Variants in TMEM235 observed in about 807,000 individuals in gnomAD.
The protein encoded by TMEM235 is claudin-27.
In TMEM235, 23 loss-of-function variants were observed where a neutral mutation model predicts 22.9. That is an observed-to-expected ratio of 1.00 (90% confidence interval 0.72 to 1.42). The LOEUF (loss-of-function observed/expected upper bound fraction) is 1.42. TMEM235 is among the 40% of genes most tolerant of loss of function. TMEM235 has a pLI of 0.00. For synonymous variants in TMEM235, 137 were observed against 140.5 expected (o/e 0.98, Z 0.17); for missense variants, 308 against 299.5 (o/e 1.03, Z -0.21).
At chr17:78,232,080 C>A in exon 2 of TMEM235, 1 of 1,458,936 alleles carries the variant, frequency 6.9e-7, no homozygotes, top group Non-Finnish European at 9.0e-7. Context: ...TGCTCAGCTT[C>A]GCGCTCCTGG....
chr17:78,237,304 T>G lies in TMEM235; in HGVS notation c.410-1720T>G, dbSNP rs920275725. Among the ~76,000 whole-genome samples the G allele has an allele frequency of 2.4e-4, 37 of 152,050 alleles. 2 individuals carry two copies. Among genetic ancestry groups the G allele is most frequent in the Admixed American group, 2.0e-3 (30 of 15,282 alleles). ...GGGAGATAGAGGGCCCCAGATCGAT[T>G]GGGTGCCCTTCCCTGAGACAGGATC... On this transcript the variant is annotated intron_variant, in intron 4 of 5. Coordinates refer to ENST00000421688, the Ensembl canonical transcript of TMEM235. The surrounding 1 kb of genome is among the most constrained non-coding windows in gnomAD (Gnocchi z 4.7).
At position 78,238,439 on chromosome 17, in the gene TMEM235, C is replaced by A. The variant is rs1197262677; in HGVS notation, c.410-585C>A. The stretch of plus-strand genomic sequence containing the variant: ...GGAGTCAGAGGGAGGGGGATGTTAG[C>A]CCCGGAGGTAGGGAGGGCAAAGGTG... On this transcript the variant is annotated intron_variant, in intron 4 of 5. Transcript: ENST00000421688. This position sits in a 1 kb window ranked among gnomAD's most constrained non-coding sequence, Gnocchi z 4.3. Among the ~76,000 whole-genome samples the A allele has an allele frequency of 6.6e-6, 1 of 151,876 alleles. No individual in the cohort carries two copies. The highest frequency in any genetic ancestry group is 1.5e-5 in the Non-Finnish European group (1 of 67,956).
intron 5 of TMEM235, 21 bp from the exon 5 acceptor site, chr17:78,239,759 T>C: frequency 1.3e-6 from 2 of 1,531,208 alleles, no homozygotes; most frequent in Non-Finnish European, 1.8e-6. Context: ...ACTCAATGAC[T>C]ACCCTTTATC....
Position 78,233,883 on chromosome 17 carries a change from T to C in TMEM235, c.191-12T>C. 1 of 1,535,788 alleles carries C rather than the reference T, an allele frequency of 6.5e-7. No individual in the cohort carries two copies. The highest frequency in any genetic ancestry group is 8.7e-7 in the Non-Finnish European group (1 of 1,146,794). On this transcript the variant is annotated splice_polypyrimidine_tract_variant and intron_variant, in intron 2 of 5. Coordinates refer to ENST00000421688, the Ensembl canonical transcript of TMEM235. ...CGTCCAGGCCCCAGGCTTCGAGGCC[T>C]ATGTTTCCCAGGGCAGAACGGCTGC...
intron 2 of TMEM235, among the ~76,000 whole-genome samples, chr17:78,232,499 T>C (rs2145912904): frequency 6.6e-6 from 1 of 152,072 alleles, no homozygotes; most frequent in Admixed American, 6.5e-5. Flanking sequence ...TAGAGGTGTG[T>C]AGTTGGGGGG....
At chr17:78,232,490 A>C (rs11868709) in intron 2 of TMEM235, among the ~76,000 whole-genome samples, 94,409 of 152,002 alleles carry the variant, frequency 0.62, 29,622 homozygotes, top group Middle Eastern at 0.77. Context: ...AGGGAAGCCT[A>C]GAGGTGTGTA....
chr17:78,236,431 G>A (rs1308934938), intron 4 of TMEM235, among the ~76,000 whole-genome samples: 1 of 152,192 alleles, frequency 6.6e-6, no homozygotes, highest in Non-Finnish European at 1.5e-5. Flanking sequence ...CCACTGACGC[G>A]GCTCCAGCTC....
At position 78,237,846 on chromosome 17, in the gene TMEM235, CCTT is replaced by C. The variant is rs1295883324; in HGVS notation, c.410-1172_410-1170del. ...TCCTCCCTCCCTCAGCCTCCCCATG[CCTT>C]CTTCTCCCCACTCTCTGTCCCACTC... On this transcript the variant is annotated intron_variant, in intron 4 of 5. Coordinates refer to ENST00000421688, the Ensembl canonical transcript of TMEM235. The surrounding 1 kb of genome is among the most constrained non-coding windows in gnomAD (Gnocchi z 4.7). 2.0e-5 allele frequency among the ~76,000 whole-genome samples: 3 copies of C among 152,178 alleles called. No individual in the cohort carries two copies. Among genetic ancestry groups the C allele is most frequent in the Non-Finnish European group, 2.9e-5 (2 of 68,010 alleles).
chr17:78,237,078 G>C lies in TMEM235; in HGVS notation c.410-1946G>C, dbSNP rs867274556. Among the ~76,000 whole-genome samples the C allele has an allele frequency of 3.3e-5, 5 of 152,302 alleles. No homozygotes were observed. Among genetic ancestry groups the C allele is most frequent in the Non-Finnish European group, 4.4e-5 (3 of 68,014 alleles). On this transcript the variant is annotated intron_variant, in intron 4 of 5. Coordinates refer to ENST00000421688, the Ensembl canonical transcript of TMEM235. This position sits in a 1 kb window ranked among gnomAD's most constrained non-coding sequence, Gnocchi z 4.7. ...GCCTGGGAGCGAAGGCACCGGCTAG[G>C]GGGTGGAGGGGCCGGAGGTAGCTGG...
At chr17:78,231,806 G>C in exon 2 of TMEM235, 1 of 1,210,936 alleles carries the variant, frequency 8.3e-7, no homozygotes, top group East Asian at 6.0e-5. Context: ...CTTTCCCCCA[G>C]GGGCGAGCTC....
At chr17:78,235,600 T>TTTG (rs1491390326) in intron 4 of TMEM235, among the ~76,000 whole-genome samples, 40 of 42,260 alleles carry the variant, frequency 9.5e-4, no homozygotes, top group Non-Finnish European at 3.3e-4. Context: ...TGCTACATAG[T>TTTG]TTTTTTTTTT....
In TMEM235 at chr17:78,234,643, G is replaced by GT. The variant is rs762118825; in HGVS notation, c.323dup (p.Cys109ValfsTer177). The stretch of plus-strand genomic sequence containing the variant: ...CCTGCCCCTGAGCCTGGTCCTTCTC[G>GT]TGTGTGGCTGGATCTGCGGCCTGCT... On this transcript the variant is annotated frameshift_variant, in exon 4 of 6. Coordinates refer to ENST00000421688, the Ensembl canonical transcript of TMEM235. LOFTEE classifies it high-confidence loss of function. 1.8e-5 allele frequency: 28 copies of GT among 1,536,070 alleles called. No individual in the cohort carries two copies. Among genetic ancestry groups the GT allele is most frequent in the Non-Finnish European group, 5.2e-6 (6 of 1,146,922 alleles).
At chr17:78,232,138 G>A (rs1457305312) in exon 2 of TMEM235, 2 of 1,488,094 alleles carry the variant, frequency 1.3e-6, no homozygotes, top group East Asian at 2.9e-5. Context: ...GGTGGCGGAC[G>A]CCGGCAATGG....
Position 78,238,908 on chromosome 17 carries a change from A to G in TMEM235, c.410-116A>G. The G allele has an allele frequency of 7.0e-7, 1 of 1,425,592 alleles. No individual in the cohort carries two copies. The highest frequency in any genetic ancestry group is 9.3e-7 in the Non-Finnish European group (1 of 1,077,926). 88.3% of individuals were successfully genotyped at this position (1,425,592 alleles called of 1,614,324 possible). A position where few individuals can be genotyped will look rare whatever the true frequency, so the allele number is the denominator to read the frequency against. On this transcript the variant is annotated intron_variant, in intron 4 of 5. Coordinates refer to ENST00000421688, the Ensembl canonical transcript of TMEM235. This position sits in a 1 kb window ranked among gnomAD's most constrained non-coding sequence, Gnocchi z 4.3. ...ACAGGAAGGGCGGTGTGCTGCCTGC[A>G]GCTCTGCCTGAATGCTAGCGGGGCC...
Position 78,238,879 on chromosome 17 carries a change from C to T in TMEM235, c.410-145C>T, listed in dbSNP as rs2076675010. On this transcript the variant is annotated intron_variant, in intron 4 of 5. Transcript: ENST00000421688. This position sits in a 1 kb window ranked among gnomAD's most constrained non-coding sequence, Gnocchi z 4.3. ...AGGTTGACAGCCAGGCAGGGCTAAC[C>T]ATGACAGGAAGGGCGGTGTGCTGCC... 3.1e-6 allele frequency: 4 copies of T among 1,309,758 alleles called. No homozygotes were observed. The South Asian group carries it at 6.1e-5, about 20-fold the overall frequency. The allele number at this position is 1,309,758 out of a possible 1,614,324, so 81.1% of individuals were successfully genotyped here. A position where few individuals can be genotyped will look rare whatever the true frequency, so the allele number is the denominator to read the frequency against.
rs1308312839 is a variant in TMEM235 at position 78,239,005 on chromosome 17, C to T, written c.410-19C>T. 1 of 1,530,060 alleles carries T rather than the reference C, an allele frequency of 6.5e-7. No homozygotes were observed. The highest frequency in any genetic ancestry group is 8.8e-7 in the Non-Finnish European group (1 of 1,138,726). The allele number at this position is 1,530,060 out of a possible 1,614,324, so 94.8% of individuals were successfully genotyped here. On this transcript the variant is annotated intron_variant, in intron 4 of 5. Transcript: ENST00000421688. Reference sequence around the variant, plus strand: ...CTAGAGCAGACACCGAGCAGCTGCCCTCCCCATCTCTCCCCCAGGTGTCCT... The same window carrying T: ...CTAGAGCAGACACCGAGCAGCTGCCTTCCCCATCTCTCCCCCAGGTGTCCT...
In TMEM235 at chr17:78,237,067, G is replaced by T. The variant is rs1268649716; in HGVS notation, c.410-1957G>T. Among the ~76,000 whole-genome samples, 1 of 148,626 alleles carries T rather than the reference G, an allele frequency of 6.7e-6. No individual in the cohort carries two copies. The highest frequency in any genetic ancestry group is 1.5e-5 in the Non-Finnish European group (1 of 68,000). Reference sequence around the variant, plus strand: ...CTCTGCATTGTGCCTGGGAGCGAAGGCACCGGCTAGGGGGTGGAGGGGCCG... The same window carrying T: ...CTCTGCATTGTGCCTGGGAGCGAAGTCACCGGCTAGGGGGTGGAGGGGCCG... On this transcript the variant is annotated intron_variant, in intron 4 of 5. Transcript: ENST00000421688. This position sits in a 1 kb window ranked among gnomAD's most constrained non-coding sequence, Gnocchi z 4.7.
chr17:78,231,528 C>T (rs1175562241), exon 2 of TMEM235: 18 of 1,304,284 alleles, frequency 1.4e-5, no homozygotes, highest in African/African-American at 3.0e-5. Context: ...AGGGCCAGCC[C>T]GTGCCAGGCT....
rs573034548 is a variant in TMEM235, at chr17:78,234,776, G to A, written c.409+46G>A. 5.4e-4 allele frequency: 832 copies of A among 1,534,484 alleles called. 3 individuals carry two copies. The African/African-American group carries it at 9.2e-3, about 17-fold the overall frequency. ...GAATGGCTCCAAAGATGGGAGCTGG[G>A]CCACAGGTCCCGGGAGTGGGGTGCT... On this transcript the variant is annotated intron_variant, in intron 4 of 5. Coordinates refer to ENST00000421688, the Ensembl canonical transcript of TMEM235.
Sources: gnomAD v4.1 joint callset for allele counts (sites outside exome capture counted in the v4.1 genomes callset) on GRCh38, gnomAD v4.1.1 for gene constraint, Gnocchi (gnomAD v3.1) non-coding constraint, MANE v1.5 for transcripts, NCBI Gene and HGNC (gene_info 2026-07-23, HGNC 2026-07-21) for gene names.